Variants in EFR3B observed in about 807,000 individuals in gnomAD.
EFR3B encodes the protein EFR3 homolog B.
In EFR3B, 64 loss-of-function variants were observed where a neutral mutation model predicts 104.7. The ratio of observed to expected loss-of-function variants is 0.61; its 90% CI spans 0.50 to 0.75. EFR3B has a LOEUF of 0.75. EFR3B is among the 30% of genes least tolerant of loss of function. The pLI is 0.00. For synonymous variants in EFR3B, 385 were observed against 417.9 expected, an observed-to-expected ratio of 0.92 and a Z score of 0.96; for missense variants, 750 against 1,078.5, an observed-to-expected ratio of 0.70 and a Z score of 4.27.
chr2:25,115,383 A>T (rs980549180), intron 4 of EFR3B, among the ~76,000 whole-genome samples: 7 of 152,176 alleles, frequency 4.6e-5, no homozygotes, highest in African/African-American at 1.7e-4. Flanking sequence ...GCTCAGCTCC[A>T]CCTGTCGCAA....
At chr2:25,086,794 T>C (rs1409174544) in intron 1 of EFR3B, among the ~76,000 whole-genome samples, 1 of 152,148 alleles carries the variant, frequency 6.6e-6, no homozygotes, top group African/African-American at 2.4e-5. Flanking sequence ...GATTTTGCCA[T>C]GTTGGCCAGG....
At chr2:25,058,773 CCCA>C (rs911280288) in intron 1 of EFR3B, among the ~76,000 whole-genome samples, 2 of 138,440 alleles carry the variant, frequency 1.4e-5, no homozygotes, top group African/African-American at 2.7e-5. Flanking sequence ...CGCCCCCCCC[CCCA>C]AAAAAAAAAA....
intron 1 of EFR3B, among the ~76,000 whole-genome samples, chr2:25,089,215 T>C (rs533305308): frequency 2.0e-5 from 3 of 152,258 alleles, no homozygotes; most frequent in African/African-American, 7.2e-5. Flanking sequence ...CAGGGAACCC[T>C]CTCCAGCCAG....
rs1018583240 is a variant in EFR3B, at chr2:25,157,280, T to C, written c.*2940T>C. 1 of 152,262 alleles carries C rather than the reference T, an allele frequency of 6.6e-6. No individual in the cohort carries two copies. Among genetic ancestry groups the C allele is most frequent in the Admixed American group, 6.5e-5 (1 of 15,294 alleles). The allele number at this position is 152,262 out of a possible 1,614,324, so 9.4% of individuals were successfully genotyped here. The stretch of plus-strand genomic sequence containing the variant: ...TAGAGTGTTGGGTTGTCTGCTGACA[T>C]GGAGTAGAACCTGGATTCTGGCCAA... On this transcript the variant is annotated 3_prime_UTR_variant, in exon 23 of 23. Coordinates refer to ENST00000403714, the MANE Select transcript of EFR3B (RefSeq NM_014971.2).
In EFR3B at chr2:25,137,469, G is replaced by A. The variant is rs1558617319; in HGVS notation, c.1689G>A (p.Val563=). The part of the protein sequence containing the change: ...ISIELANEEV[V]VDLIRLVLAV... ...TCGAGCTGGCTAACGAGGAGGTGGTGGTGGACCTCATCCGTCTGGTGCTGG... is the reference window on the plus strand; with the variant it reads ...TCGAGCTGGCTAACGAGGAGGTGGTAGTGGACCTCATCCGTCTGGTGCTGG... The change falls in exon 15 of 23, where the codon GTG becomes GTA. Residue 563 remains valine, a synonymous_variant. Transcript: ENST00000403714. The surrounding 1 kb of genome is among the most constrained non-coding windows in gnomAD (Gnocchi z 4.7). The A allele has an allele frequency of 1.9e-6, 3 of 1,551,724 alleles. No individual in the cohort carries two copies. The highest frequency in any genetic ancestry group is 2.6e-6 in the Non-Finnish European group (3 of 1,146,990).
In EFR3B at chr2:25,043,172, C is replaced by T. The variant is rs189694455; in HGVS notation, c.7+853C>T. Among the ~76,000 whole-genome samples the T allele has an allele frequency of 2.5e-4, 38 of 152,232 alleles. No individual in the cohort carries two copies. In the East Asian group the frequency reaches 7.1e-3, roughly 29 times the overall value. ...CTGCATTCCTGAGCCTGCAGCCCACCAAGGGCTGTGCGTGTGTGTGTGATC... is the reference window on the plus strand; with the variant it reads ...CTGCATTCCTGAGCCTGCAGCCCACTAAGGGCTGTGCGTGTGTGTGTGATC... On this transcript the variant is annotated intron_variant, in intron 1 of 22. Transcript: ENST00000403714.
chr2:25,102,323 T>G (rs534270619), intron 3 of EFR3B, among the ~76,000 whole-genome samples: 111 of 152,272 alleles, frequency 7.3e-4, no homozygotes, highest in African/African-American at 2.5e-3. Context: ...AGGCTTCAGG[T>G]TGACATTTTA....
chr2:25,110,424 C>T (rs950517144), intron 4 of EFR3B, among the ~76,000 whole-genome samples: 2 of 152,178 alleles, frequency 1.3e-5, no homozygotes, highest in Non-Finnish European at 2.9e-5. Context: ...CTAAACTCCC[C>T]TCCCAAATCA....
intron 1 of EFR3B, among the ~76,000 whole-genome samples, chr2:25,044,039 C>G (rs1268153376): frequency 6.6e-6 from 1 of 152,204 alleles, no homozygotes; most frequent in East Asian, 1.9e-4. Context: ...GCTGGATAGT[C>G]AGAAAGGTGA....
At chr2:25,061,860 T>C (rs1220703101) in intron 1 of EFR3B, among the ~76,000 whole-genome samples, 1 of 151,974 alleles carries the variant, frequency 6.6e-6, no homozygotes, top group Non-Finnish European at 1.5e-5. Flanking sequence ...TGATTGTGGA[T>C]GTACTGGCCC....
intron 4 of EFR3B, among the ~76,000 whole-genome samples, chr2:25,107,888 G>A (rs1253435467): frequency 6.6e-6 from 1 of 150,810 alleles, no homozygotes; most frequent in Non-Finnish European, 1.5e-5. Flanking sequence ...CTGTTGCCCA[G>A]TCTGGAGTGC....
chr2:25,138,004 T>G (rs527951114), intron 15 of EFR3B, among the ~76,000 whole-genome samples: 1 of 152,146 alleles, frequency 6.6e-6, no homozygotes, highest in South Asian at 2.1e-4. Context: ...AAACCCCGTC[T>G]CCACTAAAAA....
At chr2:25,132,815 G>T in intron 10 of EFR3B, 88 bp from the exon 11 acceptor site, 3 of 1,083,072 alleles carry the variant, frequency 2.8e-6, no homozygotes, top group Non-Finnish European at 4.1e-6. Flanking sequence ...GAGAGAGGCA[G>T]CCCTCGCTCT....
At chr2:25,096,204 C>T (rs768477507) in intron 3 of EFR3B, among the ~76,000 whole-genome samples, 8 of 152,218 alleles carry the variant, frequency 5.3e-5, no homozygotes, top group South Asian at 2.1e-4. Context: ...TTAATAGAGA[C>T]GGTGTTTCAC....
chr2:25,055,784 A>C (rs1668001147), intron 1 of EFR3B, among the ~76,000 whole-genome samples: 1 of 152,012 alleles, frequency 6.6e-6, no homozygotes, highest in Non-Finnish European at 1.5e-5. Context: ...GTGTGCAAGG[A>C]GGGATGCTTC....
chr2:25,072,007 C>T (rs193229894), intron 1 of EFR3B, among the ~76,000 whole-genome samples: 1 of 152,356 alleles, frequency 6.6e-6, no homozygotes, highest in East Asian at 1.9e-4. Context: ...TACGGCTGGT[C>T]TCAAATCTCG....
In EFR3B at chr2:25,093,102, A is replaced by G. The variant is rs1419435412; in HGVS notation, c.184A>G (p.Ile62Val). The G allele has an allele frequency of 6.4e-7, 1 of 1,551,904 alleles. No individual in the cohort carries two copies. The highest frequency in any genetic ancestry group is 2.0e-5 in the Admixed American group (1 of 51,006). The part of the protein sequence containing the change: ...RIGAYLSERL[I>V]RDVGRHRYGY... ...TGGCGCCTACCTCTCTGAGAGGCTC[A>G]TCCGTGACGTGGGTCGCCATCGATA... Residue 62 changes from isoleucine to valine, a missense_variant, in exon 3 of 23, where the codon ATC (isoleucine) becomes GTC (valine). Physicochemically the swap from Ile to Val is conservative, Grantham distance 29. Coordinates refer to ENST00000403714, the MANE Select transcript of EFR3B (RefSeq NM_014971.2).
chr2:25,152,858 T>C lies in EFR3B; in HGVS notation c.2298+838T>C, dbSNP rs1457887565. Among the ~76,000 whole-genome samples the C allele has an allele frequency of 2.0e-5, 3 of 151,968 alleles. No individual in the cohort carries two copies. In the East Asian group the frequency reaches 5.8e-4, roughly 29 times the overall value. ...TGTGTGTGTGTATATAAAACACATATAGATTTTCCTGGGCCTGTATTGTTC... is the reference window on the plus strand; with the variant it reads ...TGTGTGTGTGTATATAAAACACATACAGATTTTCCTGGGCCTGTATTGTTC... On this transcript the variant is annotated intron_variant, in intron 21 of 22. Coordinates refer to ENST00000403714, the MANE Select transcript of EFR3B (RefSeq NM_014971.2).
At position 25,114,119 on chromosome 2, in the gene EFR3B, A is replaced by G. The variant is rs569916958; in HGVS notation, c.364-7554A>G. 2.6e-4 allele frequency among the ~76,000 whole-genome samples: 40 copies of G among 152,292 alleles called. No individual in the cohort carries two copies. The highest frequency in any genetic ancestry group is 2.5e-3 in the South Asian group (12 of 4,814). ...GCACATTTCAAGGTGGACTTCCGCA[A>G]TAGGTGTGGTCCTTTGACCAGGGCC... On this transcript the variant is annotated intron_variant, in intron 4 of 22. Coordinates refer to ENST00000403714, the MANE Select transcript of EFR3B (RefSeq NM_014971.2). This position sits in a 1 kb window ranked among gnomAD's most constrained non-coding sequence, Gnocchi z 4.0.
Sources: gnomAD v4.1 joint callset for allele counts (sites outside exome capture counted in the v4.1 genomes callset) on GRCh38, gnomAD v4.1.1 for gene constraint, Gnocchi (gnomAD v3.1) non-coding constraint, MANE v1.5 for transcripts, NCBI Gene and HGNC (gene_info 2026-07-23, HGNC 2026-07-21) for gene names.